The following HLF variants were observed in gnomAD, a reference collection of about 807,000 sequenced individuals.
HLF encodes hepatic leukemia factor.
In HLF, 3 loss-of-function variants were observed where a neutral mutation model predicts 22.6. The observed-to-expected ratio is 0.13, with a 90% CI of 0.06 to 0.34. The LOEUF is 0.34. Among genes scored for constraint, HLF ranks in the 10% least tolerant of loss-of-function variants. HLF has a pLI of 1.00. For missense variants in HLF, 299 were observed against 389.2 expected (o/e 0.77, Z 1.95); for synonymous variants, 151 against 151.8 (o/e 0.99, Z 0.04).
intron 1 of HLF, among the ~76,000 whole-genome samples, chr17:55,266,625 C>T (rs2080793633): frequency 6.6e-6 from 1 of 152,178 alleles, no homozygotes; most frequent in African/African-American, 2.4e-5. Flanking sequence ...TAAGGAAGAG[C>T]ATTTGGGAGG....
rs952522507 is a variant in HLF at position 55,324,962 on chromosome 17, GTTTAA to G, written c.*4086_*4090del. 5 of 230,282 alleles carry G rather than the reference GTTTAA, an allele frequency of 2.2e-5. No homozygotes were observed. Among genetic ancestry groups the G allele is most frequent in the Non-Finnish European group, 4.3e-5 (5 of 115,982 alleles). The allele number at this position is 230,282 out of a possible 1,614,324, so 14.3% of individuals were successfully genotyped here. A position where few individuals can be genotyped will look rare whatever the true frequency, so the allele number is the denominator to read the frequency against. On this transcript the variant is annotated 3_prime_UTR_variant, in exon 4 of 4. Coordinates refer to ENST00000226067, the MANE Select transcript of HLF (RefSeq NM_002126.5). Reference sequence around the variant, plus strand: ...ACAGGTACAAGTTGACATGAGGTTAGTTTAATTGTACACCATGATATTGGTGGTAT... The same window carrying G: ...ACAGGTACAAGTTGACATGAGGTTAGTTGTACACCATGATATTGGTGGTAT...
chr17:55,312,228 T>C (rs1053732806), intron 2 of HLF, among the ~76,000 whole-genome samples: 1 of 152,264 alleles, frequency 6.6e-6, no homozygotes, highest in African/African-American at 2.4e-5. Flanking sequence ...TTTAGTTCTT[T>C]GAGAACTCTC....
chr17:55,284,935 T>C (rs999267122), intron 2 of HLF, among the ~76,000 whole-genome samples: 5 of 152,032 alleles, frequency 3.3e-5, no homozygotes, highest in African/African-American at 4.8e-5. Context: ...TCCCAAGATA[T>C]AGATATATAT....
chr17:55,275,549 T>C (rs1303010764), intron 2 of HLF, among the ~76,000 whole-genome samples: 3 of 152,254 alleles, frequency 2.0e-5, no homozygotes, highest in African/African-American at 7.2e-5. Context: ...AGGTATGTTA[T>C]GGTGTTTCAG....
chr17:55,318,660 TC>T (rs1905157878), intron 3 of HLF, among the ~76,000 whole-genome samples: 1 of 152,068 alleles, frequency 6.6e-6, no homozygotes, highest in African/African-American at 2.4e-5. Context: ...GGGCTCCTGT[TC>T]CCCCGTGTGC....
chr17:55,287,560 C>T (rs769375490), intron 2 of HLF, among the ~76,000 whole-genome samples: 3 of 152,164 alleles, frequency 2.0e-5, no homozygotes, highest in Non-Finnish European at 4.4e-5. Context: ...AGTGCATTTC[C>T]TTGGTGGATT....
intron 2 of HLF, among the ~76,000 whole-genome samples, chr17:55,294,036 C>T (rs1284120540): frequency 9.6e-6 from 1 of 104,198 alleles, no homozygotes; most frequent in Admixed American, 9.4e-5. Context: ...ACTTTCTAAG[C>T]CACAGTTCCT....
At chr17:55,318,662 C>G (rs897054921) in intron 3 of HLF, among the ~76,000 whole-genome samples, 1 of 152,116 alleles carries the variant, frequency 6.6e-6, no homozygotes, top group Non-Finnish European at 1.5e-5. Flanking sequence ...GCTCCTGTTC[C>G]CCCGTGTGCA....
intron 3 of HLF, among the ~76,000 whole-genome samples, chr17:55,317,568 G>A (rs1905118818): frequency 6.6e-6 from 1 of 152,242 alleles, no homozygotes; most frequent in Non-Finnish European, 1.5e-5. Flanking sequence ...CAGGAACATT[G>A]TCCTGCCAGG....
intron 2 of HLF, among the ~76,000 whole-genome samples, chr17:55,278,547 G>A (rs2145311151): frequency 6.6e-6 from 1 of 152,156 alleles, no homozygotes; most frequent in East Asian, 1.9e-4. Context: ...AGTGGCGAAG[G>A]TTTGTTTGGG....
rs1325671587 is a variant in HLF, at chr17:55,322,579, G to A, written c.*1700G>A. 1 of 216,820 alleles carries A rather than the reference G, an allele frequency of 4.6e-6. No individual in the cohort carries two copies. Among genetic ancestry groups the A allele is most frequent in the Admixed American group, 5.8e-5 (1 of 17,196 alleles). 13.4% of individuals were successfully genotyped at this position (216,820 alleles called of 1,614,324 possible). A position where few individuals can be genotyped will look rare whatever the true frequency, so the allele number is the denominator to read the frequency against. On this transcript the variant is annotated 3_prime_UTR_variant, in exon 4 of 4. Coordinates refer to ENST00000226067, the MANE Select transcript of HLF (RefSeq NM_002126.5). Reference sequence around the variant, plus strand: ...TTATGACAGTATCGAGGCTTGTGATGACGAATCCTGCTCTAAAATACACAA... The same window carrying A: ...TTATGACAGTATCGAGGCTTGTGATAACGAATCCTGCTCTAAAATACACAA...
intron 2 of HLF, among the ~76,000 whole-genome samples, chr17:55,307,594 A>G (rs193213885): frequency 6.6e-6 from 1 of 152,306 alleles, no homozygotes; most frequent in East Asian, 1.9e-4. Flanking sequence ...AATATTGAAA[A>G]TAAGAATTAA....
chr17:55,265,365 C>A lies in HLF; in HGVS notation c.-120C>A, dbSNP rs767316034. 3.2e-6 allele frequency: 2 copies of A among 629,092 alleles called. No individual in the cohort carries two copies. The highest frequency in any genetic ancestry group is 3.8e-5 in the African/African-American group (2 of 52,670). 39.0% of individuals were successfully genotyped at this position (629,092 alleles called of 1,614,324 possible). ...AGTAATTTTTTTCTTCCCTTTTCTC[C>A]ACCGCCTTGAGAGCGAGTACTTTTG... On this transcript the variant is annotated 5_prime_UTR_variant, in exon 1 of 4. Transcript: ENST00000226067.
At chr17:55,281,609 A>C (rs1397695064) in intron 2 of HLF, among the ~76,000 whole-genome samples, 1 of 152,240 alleles carries the variant, frequency 6.6e-6, no homozygotes, top group Non-Finnish European at 1.5e-5. Flanking sequence ...AGATAAATTC[A>C]GTATGAAATC....
At chr17:55,277,626 G>T (rs1405426411) in intron 2 of HLF, among the ~76,000 whole-genome samples, 1 of 77,140 alleles carries the variant, frequency 1.3e-5, no homozygotes, top group South Asian at 4.1e-4. Flanking sequence ...GGATCGGATT[G>T]GGGGGGGTTG....
At chr17:55,296,087 G>A (rs571535378) in intron 2 of HLF, among the ~76,000 whole-genome samples, 39 of 152,140 alleles carry the variant, frequency 2.6e-4, no homozygotes, top group Admixed American at 2.6e-4. Flanking sequence ...ACAGGTTTTG[G>A]TTGGAGGCCT....
At chr17:55,286,025 T>G (rs1265318300) in intron 2 of HLF, among the ~76,000 whole-genome samples, 1 of 152,210 alleles carries the variant, frequency 6.6e-6, no homozygotes, top group Non-Finnish European at 1.5e-5. Flanking sequence ...CAGGACTGCC[T>G]GGGACAGGGA....
At chr17:55,285,734 G>A (rs186575993) in intron 2 of HLF, among the ~76,000 whole-genome samples, 42 of 152,310 alleles carry the variant, frequency 2.8e-4, no homozygotes, top group Non-Finnish European at 4.0e-4. Context: ...TGGGCACTGG[G>A]CCAAGCTTAC....
chr17:55,265,860 G>T, intron 1 of HLF: 2 of 1,242,314 alleles, frequency 1.6e-6, no homozygotes, highest in Non-Finnish European at 2.0e-6. Flanking sequence ...CGCTCCTGCG[G>T]CGCGGGTGGG....
Sources: allele counts gnomAD v4.1 joint callset (sites outside exome capture counted in the v4.1 genomes callset), GRCh38; gene constraint gnomAD v4.1.1; transcripts MANE v1.5; gene names NCBI Gene and HGNC (gene_info 2026-07-23, HGNC 2026-07-21).